ZNF662: variants seen among roughly 807,000 people sequenced by gnomAD.
The protein encoded by ZNF662 is zinc finger protein 662.
ZNF662 carries 14 observed loss-of-function variants against 12.4 expected under a neutral mutation model. That is an observed-to-expected ratio of 1.13 (90% CI 0.75 to 1.77). ZNF662 has a LOEUF of 1.77. Ranked by LOEUF, ZNF662 falls within the 40% of genes most tolerant of loss-of-function variation. The pLI, the probability that ZNF662 is intolerant of heterozygous loss-of-function variation, is 0.00. For synonymous variants in ZNF662, 184 were observed against 176.4 expected, an observed-to-expected ratio of 1.04 and a Z score of -0.34; for missense variants, 550 against 515.6, an observed-to-expected ratio of 1.07 and a Z score of -0.65.
chr3:42,912,666 ATTTTT>A (rs373223111), intron 3 of ZNF662, among the ~76,000 whole-genome samples: 2 of 26,156 alleles, frequency 7.6e-5, no homozygotes, highest in African/African-American at 2.2e-4. Flanking sequence ...ATATATATAT[ATTTTT>A]TATATATATA....
chr3:42,915,475 C>T lies in ZNF662; in HGVS notation c.*121C>T, dbSNP rs1575416181. On this transcript the variant is annotated 3_prime_UTR_variant, in exon 5 of 5. Transcript: ENST00000440367. ...ACTTAAATAGCCAGTATTATCTTGC[C>T]CTTTTGAACATTTACCATGTACTCT... The T allele has an allele frequency of 1.1e-6, 1 of 919,410 alleles. No individual in the cohort carries two copies. The highest frequency in any genetic ancestry group is 1.6e-6 in the Non-Finnish European group (1 of 618,900). The allele number at this position is 919,410 out of a possible 1,614,324, so 57.0% of individuals were successfully genotyped here.
In ZNF662 at chr3:42,914,497, C is replaced by G; in HGVS notation, c.424C>G (p.Leu142Val). ...CAGGTTAGGGAGATGGCCTGGTTACCTCAATGGGGGACGTATGGAAAGTTC... is the reference window on the plus strand; with the variant it reads ...CAGGTTAGGGAGATGGCCTGGTTACGTCAATGGGGGACGTATGGAAAGTTC... ...KSRLGRWPGY[L>V]NGGRMESSTN... Residue 142 changes from leucine (L) to valine (V), a missense_variant, in exon 5 of 5, where the codon CTC becomes GTC. Coordinates refer to ENST00000440367, the MANE Select transcript of ZNF662 (RefSeq NM_207404.4). 6.2e-7 allele frequency: 1 copy of G among 1,613,972 alleles called. No homozygotes were observed. Among genetic ancestry groups the G allele is most frequent in the Non-Finnish European group, 8.5e-7 (1 of 1,180,008 alleles).
chr3:42,906,258 C>G lies in ZNF662; in HGVS notation c.-94+90C>G. On this transcript the variant is annotated intron_variant, in intron 1 of 4. Transcript: ENST00000440367. The surrounding 1 kb of genome is among the most constrained non-coding windows in gnomAD (Gnocchi z 4.4). Reference sequence around the variant, plus strand: ...GCTGCAGGGCGCAGGGTAGCCGTGTCAGGCCTGCCCAGGTGCAGAGCGCTC... The same window carrying G: ...GCTGCAGGGCGCAGGGTAGCCGTGTGAGGCCTGCCCAGGTGCAGAGCGCTC... 9 of 1,203,740 alleles carry G rather than the reference C, an allele frequency of 7.5e-6. No homozygotes were observed. Among genetic ancestry groups the G allele is most frequent in the Non-Finnish European group, 1.0e-5 (9 of 881,184 alleles). 74.6% of individuals were successfully genotyped at this position (1,203,740 alleles called of 1,614,324 possible).
intron 2 of ZNF662, 198 bp from the exon 3 acceptor site, chr3:42,908,595 A>T: frequency 1.4e-6 from 2 of 1,426,756 alleles, no homozygotes; most frequent in Non-Finnish European, 1.8e-6. Flanking sequence ...ACAGTTACTG[A>T]GTCGTCTGTC....
At chr3:42,908,562 A>C in intron 2 of ZNF662, 1 of 1,357,904 alleles carries the variant, frequency 7.4e-7, no homozygotes, top group Non-Finnish European at 9.5e-7. Context: ...TCAATGAGTG[A>C]AATCATCCAT....
chr3:42,912,121 G>A (rs2088799491), intron 3 of ZNF662: 1 of 143,664 alleles, frequency 7.0e-6, no homozygotes, highest in Non-Finnish European at 1.5e-5. Flanking sequence ...CAACTTCTCT[G>A]TTCCAGTATT....
rs529144792 is a variant in ZNF662, at chr3:42,913,895, C to T, written c.254-432C>T. The stretch of plus-strand genomic sequence containing the variant: ...TAGTGTTGAAAAGTATGAGGAAGCT[C>T]ATTCTTGCTACTGTCTGCTGCATGT... On this transcript the variant is annotated intron_variant, in intron 4 of 4. Transcript: ENST00000440367. Among the ~76,000 whole-genome samples, 59 of 152,140 alleles carry T rather than the reference C, an allele frequency of 3.9e-4. 1 individual carries two copies. The South Asian group carries it at 0.012, about 30-fold the overall frequency.
At chr3:42,908,602 T>C in intron 2 of ZNF662, 191 bp from the exon 3 acceptor site, 1 of 1,436,394 alleles carries the variant, frequency 7.0e-7, no homozygotes, top group South Asian at 1.6e-5. Context: ...CTGAGTCGTC[T>C]GTCAACTTCC....
At chr3:42,910,743 TC>T (rs1324937208) in intron 3 of ZNF662, among the ~76,000 whole-genome samples, 1 of 152,220 alleles carries the variant, frequency 6.6e-6, no homozygotes, top group Non-Finnish European at 1.5e-5. Context: ...CCCCATTTCA[TC>T]TTCCCATAGG....
Position 42,915,529 on chromosome 3 carries a change from G to T in ZNF662, c.*175G>T. 1.7e-6 allele frequency: 1 copy of T among 592,242 alleles called. No homozygotes were observed. Among genetic ancestry groups the T allele is most frequent in the Non-Finnish European group, 2.8e-6 (1 of 355,208 alleles). The allele number at this position is 592,242 out of a possible 1,614,324, so 36.7% of individuals were successfully genotyped here. ...AAGACTGGTCCCTCTGTTCTATGAT[G>T]TTTTAACAAGGCATCATTTAGTTGG... On this transcript the variant is annotated 3_prime_UTR_variant, in exon 5 of 5. Coordinates refer to ENST00000440367, the MANE Select transcript of ZNF662 (RefSeq NM_207404.4).
intron 2 of ZNF662, 134 bp downstream of exon 2, chr3:42,908,282 A>T (rs934431381): frequency 1.9e-5 from 28 of 1,438,982 alleles, no homozygotes; most frequent in Middle Eastern, 2.0e-4. Flanking sequence ...TAATGACCTA[A>T]CCTCAGCAGC....
At chr3:42,911,410 T>G (rs1409871283) in intron 3 of ZNF662, among the ~76,000 whole-genome samples, 2 of 152,200 alleles carry the variant, frequency 1.3e-5, no homozygotes, top group Non-Finnish European at 2.9e-5. Flanking sequence ...CCACAGCGTC[T>G]TCTGCATTCT....
chr3:42,912,560 A>ATTTT (rs1245757368), intron 3 of ZNF662, among the ~76,000 whole-genome samples: 2 of 64,876 alleles, frequency 3.1e-5, no homozygotes, highest in South Asian at 7.6e-4. Flanking sequence ...ATATAAATAT[A>ATTTT]TATATAAATA....
In ZNF662 at chr3:42,912,265, CTT is replaced by C. The variant is rs979465558; in HGVS notation, c.152-935_152-934del. 9.9e-4 allele frequency among the ~76,000 whole-genome samples: 117 copies of C among 118,630 alleles called. 1 individual carries two copies. The highest frequency in any genetic ancestry group is 1.7e-3 in the Non-Finnish European group (100 of 59,990). The allele number at this position is 118,630 out of a possible 152,430, so 77.8% of individuals were successfully genotyped here. On this transcript the variant is annotated intron_variant, in intron 3 of 4. Transcript: ENST00000440367. ...ATATAAATAAAAATATAATATATAT[CTT>C]ATATATTATATATAAATATAATTAT... is the stretch of plus-strand genomic sequence containing the variant.
At position 42,917,783 on chromosome 3, in the gene ZNF662, A is replaced by G. The variant is rs2088909579; in HGVS notation, c.*2429A>G. 4 of 581,586 alleles carry G rather than the reference A, an allele frequency of 6.9e-6. No individual in the cohort carries two copies. The highest frequency in any genetic ancestry group is 6.6e-5 in the South Asian group (3 of 45,142). The allele number at this position is 581,586 out of a possible 1,614,324, so 36.0% of individuals were successfully genotyped here. Reference sequence around the variant, plus strand: ...CTCATAAGCTTCTCAGTTTTATCTCATCTCAGTTGCTTGGAAGTTGAGCAT... The same window carrying G: ...CTCATAAGCTTCTCAGTTTTATCTCGTCTCAGTTGCTTGGAAGTTGAGCAT... On this transcript the variant is annotated 3_prime_UTR_variant, in exon 5 of 5. Transcript: ENST00000440367.
chr3:42,914,620 C>T lies in ZNF662; in HGVS notation c.547C>T (p.His183Tyr). ...TGTCAATAACCTCCTTGGTATACAT[C>T]ACAAAATTCTAAATGAGCAAATATT... ...TDVNNLLGIHHKILNEQIFYI... is the reference protein window; with the variant it reads ...TDVNNLLGIHYKILNEQIFYI... The change falls in exon 5 of 5, where the codon CAC (histidine) becomes TAC (tyrosine). Residue 183 changes from histidine to tyrosine, a missense_variant. Transcript: ENST00000440367. The T allele has an allele frequency of 2.5e-6, 4 of 1,614,118 alleles. No homozygotes were observed. Among genetic ancestry groups the T allele is most frequent in the Non-Finnish European group, 3.4e-6 (4 of 1,180,020 alleles).
rs149159964 is a variant in ZNF662, at chr3:42,917,615, G to A, written c.*2261G>A. 8.2e-4 allele frequency: 568 copies of A among 690,026 alleles called. 2 individuals are homozygous for A. The highest frequency in any genetic ancestry group is 7.8e-3 in the East Asian group (291 of 37,226). The allele number at this position is 690,026 out of a possible 1,614,324, so 42.7% of individuals were successfully genotyped here. On this transcript the variant is annotated 3_prime_UTR_variant, in exon 5 of 5. Transcript: ENST00000440367. ...AGCTACCTCAGAACTTTTCAGCTAT[G>A]TGAGCCAATAAACATCTGTCAAACG...
chr3:42,912,648 A>AT (rs1195993528), intron 3 of ZNF662, among the ~76,000 whole-genome samples: 2 of 79,764 alleles, frequency 2.5e-5, no homozygotes, highest in Non-Finnish European at 4.5e-5. Flanking sequence ...TTTTATATAT[A>AT]TATAAATATA....
chr3:42,912,168 T>A (rs2088801909), intron 3 of ZNF662: 1 of 139,734 alleles, frequency 7.2e-6, no homozygotes, highest in Admixed American at 7.9e-5. Flanking sequence ...AATATAAAAA[T>A]ATATAAATAT....
Sources: gnomAD v4.1 joint callset for allele counts (sites outside exome capture counted in the v4.1 genomes callset) on GRCh38, gnomAD v4.1.1 for gene constraint, Gnocchi (gnomAD v3.1) non-coding constraint, MANE v1.5 for transcripts, NCBI Gene and HGNC (gene_info 2026-07-23, HGNC 2026-07-21) for gene names.